Variants in PCMTD1 observed in about 807,000 individuals in gnomAD.
The protein encoded by PCMTD1 is protein-L-isoaspartate (D-aspartate) O-methyltransferase domain containing 1.
A neutral mutation model predicts 37.6 loss-of-function variants in PCMTD1; 12 were observed. The ratio of observed to expected loss-of-function variants is 0.32; its 90% confidence interval spans 0.20 to 0.52. The LOEUF is 0.52. Ranked by LOEUF, PCMTD1 falls within the 20% of genes least tolerant of loss-of-function variation. PCMTD1 has a pLI of 0.97. For missense variants in PCMTD1, 235 were observed against 421.3 expected (o/e 0.56, Z 3.87); for synonymous variants, 117 against 135.8 (o/e 0.86, Z 0.96).
chr8:51,889,322 G>A (rs1024236124), intron 1 of PCMTD1, among the ~76,000 whole-genome samples: 1 of 152,086 alleles, frequency 6.6e-6, no homozygotes, highest in Non-Finnish European at 1.5e-5. Flanking sequence ...ATCATTAATT[G>A]AGCACTTACA....
chr8:51,833,133 G>C (rs9643791), intron 4 of PCMTD1, among the ~76,000 whole-genome samples: 104,606 of 152,168 alleles, frequency 0.69, 42,406 homozygotes, highest in Non-Finnish European at 0.9. Flanking sequence ...GCGTGAGCCA[G>C]CATGCCTGGC....
At chr8:51,867,477 GT>G (rs1283545113) in intron 1 of PCMTD1, among the ~76,000 whole-genome samples, 1 of 15,010 alleles carries the variant, frequency 6.7e-5, no homozygotes, top group African/African-American at 9.7e-4. Context: ...AAAGAAAATG[GT>G]GTGTGTGTGT....
At position 51,845,339 on chromosome 8, in the gene PCMTD1, T is replaced by C. The variant is rs1254901715; in HGVS notation, c.410+322A>G. The stretch of plus-strand genomic sequence containing the variant: ...AACTACTAAATTACTATCCAAAAGG[T>C]AAAAAACCAGTTCCAGACAAATATT... On this transcript the variant is annotated intron_variant, in intron 3 of 5. Transcript: ENST00000522514. 3 of 223,160 alleles carry C rather than the reference T, an allele frequency of 1.3e-5. No individual in the cohort carries two copies. The East Asian group carries it at 3.0e-4, about 22-fold the overall frequency. 13.8% of individuals were successfully genotyped at this position (223,160 alleles called of 1,614,324 possible).
At chr8:51,852,065 G>C (rs1392092050) in intron 2 of PCMTD1, among the ~76,000 whole-genome samples, 1 of 152,288 alleles carries the variant, frequency 6.6e-6, no homozygotes, top group Non-Finnish European at 1.5e-5. Context: ...CATGGTGATA[G>C]ATTCACATAA....
rs2038113637 is a variant in PCMTD1, at chr8:51,839,374, A to G, written c.411-5685T>C. ...CCTGAAAATCATTTATGAAAAAAAT[A>G]TAGAGCACACAGATATCTCGGTTTA... On this transcript the variant is annotated intron_variant, in intron 3 of 5. Transcript: ENST00000522514. The G allele has an allele frequency of 6.2e-6, 5 of 811,508 alleles. No homozygotes were observed. In the South Asian group the frequency reaches 2.8e-4, roughly 46 times the overall value. 50.3% of individuals were successfully genotyped at this position (811,508 alleles called of 1,614,324 possible). A position where few individuals can be genotyped will look rare whatever the true frequency, so the allele number is the denominator to read the frequency against.
chr8:51,855,534 A>AAAAC (rs975908205), intron 2 of PCMTD1, among the ~76,000 whole-genome samples: 1 of 146,928 alleles, frequency 6.8e-6, no homozygotes, highest in African/African-American at 2.4e-5. Flanking sequence ...CTCTGTCTCA[A>AAAAC]AAACAAACAA....
At chr8:51,895,026 G>A (rs2038980549) in intron 1 of PCMTD1, among the ~76,000 whole-genome samples, 1 of 152,196 alleles carries the variant, frequency 6.6e-6, no homozygotes, top group Non-Finnish European at 1.5e-5. Context: ...TGAAAATAAG[G>A]CTGATGATAC....
chr8:51,862,862 C>A (rs1412247979), intron 1 of PCMTD1, among the ~76,000 whole-genome samples: 1 of 152,160 alleles, frequency 6.6e-6, no homozygotes, highest in African/African-American at 2.4e-5. Flanking sequence ...GCTCTAGCAC[C>A]TTCAGTCCTC....
chr8:51,850,031 G>C (rs999894835), intron 2 of PCMTD1: 1 of 701,740 alleles, frequency 1.4e-6, no homozygotes, highest in African/African-American at 1.7e-5. Flanking sequence ...ATAAAGTTCT[G>C]AAGATGAAAT....
chr8:51,889,440 T>C (rs2038907802), intron 1 of PCMTD1, among the ~76,000 whole-genome samples: 1 of 152,164 alleles, frequency 6.6e-6, no homozygotes, highest in African/African-American at 2.4e-5. Context: ...AGGGATTAAA[T>C]AACTTCCTTA....
intron 2 of PCMTD1, among the ~76,000 whole-genome samples, chr8:51,847,520 G>C (rs1244740681): frequency 6.6e-6 from 1 of 152,024 alleles, no homozygotes; most frequent in Non-Finnish European, 1.5e-5. Context: ...CCAGTTTCTT[G>C]GGAGGCTGAG....
At position 51,885,973 on chromosome 8, in the gene PCMTD1, A is replaced by T. The variant is rs1004178642; in HGVS notation, c.-96+12957T>A. On this transcript the variant is annotated intron_variant, in intron 1 of 5. Coordinates refer to ENST00000522514, the MANE Select transcript of PCMTD1 (RefSeq NM_052937.4). ...AGTGAGCATTGGAAATGCATTTTTA[A>T]ATGTGTACTTACAGTGAATGCACAA... is the stretch of plus-strand genomic sequence containing the variant. Among the ~76,000 whole-genome samples the T allele has an allele frequency of 3.9e-5, 6 of 152,230 alleles. No individual in the cohort carries two copies. The East Asian group carries it at 1.2e-3, about 29-fold the overall frequency.
At chr8:51,875,915 G>C (rs757357583) in intron 1 of PCMTD1, among the ~76,000 whole-genome samples, 6 of 151,696 alleles carry the variant, frequency 4.0e-5, no homozygotes, top group Admixed American at 1.3e-4. Flanking sequence ...ATGGGTAACA[G>C]AGCAAGACCA....
intron 1 of PCMTD1, among the ~76,000 whole-genome samples, chr8:51,891,115 CTTA>C (rs1179041402): frequency 6.6e-6 from 1 of 152,168 alleles, no homozygotes; most frequent in Non-Finnish European, 1.5e-5. Flanking sequence ...TGAGCTTTTA[CTTA>C]TTATGTTCAC....
chr8:51,824,042 T>A (rs967924449), intron 5 of PCMTD1, among the ~76,000 whole-genome samples: 1 of 152,172 alleles, frequency 6.6e-6, no homozygotes, highest in Non-Finnish European at 1.5e-5. Context: ...CGATGGAACG[T>A]ATCTCAAAAT....
chr8:51,884,512 T>C (rs28619907), intron 1 of PCMTD1, among the ~76,000 whole-genome samples: 76,897 of 152,104 alleles, frequency 0.51, 23,647 homozygotes, highest in Non-Finnish European at 0.68. Flanking sequence ...GCTGCCCTGA[T>C]CCCACCAGGG....
At chr8:51,869,223 G>GT (rs1178636751) in intron 1 of PCMTD1, among the ~76,000 whole-genome samples, 3 of 152,064 alleles carry the variant, frequency 2.0e-5, no homozygotes, top group Admixed American at 6.6e-5. Context: ...TTTTATGAAA[G>GT]TAAAATAAAC....
At chr8:51,878,469 C>A (rs2038746722) in intron 1 of PCMTD1, among the ~76,000 whole-genome samples, 1 of 152,110 alleles carries the variant, frequency 6.6e-6, no homozygotes, top group Admixed American at 6.6e-5. Flanking sequence ...AGTTAAAATG[C>A]AAGCAAGATC....
chr8:51,882,435 A>AT (rs1158567219), intron 1 of PCMTD1, among the ~76,000 whole-genome samples: 1 of 147,066 alleles, frequency 6.8e-6, no homozygotes, highest in African/African-American at 2.5e-5. Flanking sequence ...CATTCAATTC[A>AT]TAACTGTACC....
Sources: gnomAD v4.1 joint callset for allele counts (sites outside exome capture counted in the v4.1 genomes callset) on GRCh38, gnomAD v4.1.1 for gene constraint, MANE v1.5 for transcripts, NCBI Gene and HGNC (gene_info 2026-07-23, HGNC 2026-07-21) for gene names.